The following RSPH14 variants were observed in gnomAD, a reference collection of about 807,000 sequenced individuals.
RSPH14 encodes the protein radial spoke head 14 homolog, also known as rhabdoid tumor deletion region gene 1.
Under a neutral mutation model 26.7 loss-of-function variants are expected in RSPH14, and 20 were observed. The observed-to-expected ratio is 0.75, with a 90% CI of 0.53 to 1.09. The LOEUF is 1.09. Ranked by LOEUF, RSPH14 falls within the 50% of genes least tolerant of loss-of-function variation. RSPH14 has a pLI of 0.00. For synonymous variants in RSPH14, 177 were observed against 189.3 expected, an observed-to-expected ratio of 0.93 and a Z score of 0.53; for missense variants, 449 against 457.2, an observed-to-expected ratio of 0.98 and a Z score of 0.16.
upstream of RSPH14, among the ~76,000 whole-genome samples, chr22:23,148,416 G>A (rs946581269): frequency 2.0e-5 from 3 of 152,266 alleles, no homozygotes; most frequent in South Asian, 6.2e-4. Flanking sequence ...CAGAGCAGAC[G>A]GCGAGGATCA....
intron 4 of RSPH14, among the ~76,000 whole-genome samples, chr22:23,077,715 C>T (rs531192467): frequency 2.6e-5 from 4 of 152,140 alleles, no homozygotes; most frequent in Non-Finnish European, 5.9e-5. Context: ...AGCAGCTAAT[C>T]AGGCTTCCCC....
the RSPH14 span, among the ~76,000 whole-genome samples, chr22:23,171,087 C>G: frequency 4.6e-5 from 7 of 152,126 alleles, no homozygotes; most frequent in Middle Eastern, 3.2e-3. Context: ...CCTGCCTCAG[C>G]CTCCTGAGTA....
the RSPH14 span, chr22:23,161,474 C>A: frequency 6.3e-7 from 1 of 1,582,780 alleles, no homozygotes. Flanking sequence ...CTGGTTGATG[C>A]TAAATTACTT....
intron 4 of RSPH14, among the ~76,000 whole-genome samples, chr22:23,091,639 C>T (rs1358624546): frequency 6.6e-6 from 1 of 152,108 alleles, no homozygotes; most frequent in Admixed American, 6.5e-5. Flanking sequence ...GACCTGCATA[C>T]ACACTGGCAC....
rs183800419 is a variant in RSPH14 at position 23,086,529 on chromosome 22, G to A, written c.422-22396C>T. Among the ~76,000 whole-genome samples the A allele has an allele frequency of 2.1e-3, 314 of 152,308 alleles. 1 individual carries two copies. Among genetic ancestry groups the A allele is most frequent in the African/African-American group, 5.6e-3 (231 of 41,562 alleles). On this transcript the variant is annotated intron_variant, in intron 4 of 6. Coordinates refer to ENST00000216036, the MANE Select transcript of RSPH14 (RefSeq NM_014433.3). ...CTCCTCCCAGTGGCCTCAGCCACCC[G>A]AGCAGGCACACTATAGTTGAGGAAA...
At chr22:23,156,248 G>A in the RSPH14 span, 1 of 508,002 alleles carries the variant, frequency 2.0e-6, no homozygotes, top group South Asian at 2.2e-5. Flanking sequence ...GGACCCTGTG[G>A]TAGTGGGTGC....
chr22:23,149,472 G>A (rs1462738632), upstream of RSPH14, among the ~76,000 whole-genome samples: 2 of 152,140 alleles, frequency 1.3e-5, no homozygotes, highest in African/African-American at 2.4e-5. Context: ...ACAGCAGAAA[G>A]CGCCTCCTAG....
the RSPH14 span, among the ~76,000 whole-genome samples, chr22:23,179,450 G>C: frequency 3.3e-5 from 5 of 152,286 alleles, no homozygotes; most frequent in Admixed American, 2.6e-4. Context: ...CAAAGGTTTT[G>C]TTTCACTCCC....
At chr22:23,114,703 T>C (rs1041528511) in intron 4 of RSPH14, among the ~76,000 whole-genome samples, 39 of 152,270 alleles carry the variant, frequency 2.6e-4, no homozygotes, top group African/African-American at 9.1e-4. Context: ...TCTGTGTGTG[T>C]GTGGTTATTT....
chr22:23,153,223 C>A, the RSPH14 span: 1 of 984,500 alleles, frequency 1.0e-6, no homozygotes, highest in South Asian at 1.3e-5. Flanking sequence ...GTGTCCATGT[C>A]AAGGAGGACT....
rs1601734823 is a variant in RSPH14, at chr22:23,069,291, A to G, written c.422-5158T>C. ...ACACCTTACAAAGGTGTGAGGTGAT[A>G]AGGAACGCGTTAGCTGGGAAGGCAT... On this transcript the variant is annotated intron_variant, in intron 4 of 6. Transcript: ENST00000216036. Among the ~76,000 whole-genome samples, 4 of 152,198 alleles carry G rather than the reference A, an allele frequency of 2.6e-5. No individual in the cohort carries two copies. In the East Asian group the frequency reaches 7.7e-4, roughly 29 times the overall value.
intron 4 of RSPH14, among the ~76,000 whole-genome samples, chr22:23,117,903 G>A (rs1428149465): frequency 2.0e-5 from 3 of 152,162 alleles, no homozygotes; most frequent in Non-Finnish European, 2.9e-5. Flanking sequence ...CTAACCAGGC[G>A]CAGGCTCCTC....
At chr22:23,140,790 ACT>A (rs1468099894) in intron 1 of RSPH14, among the ~76,000 whole-genome samples, 3 of 152,146 alleles carry the variant, frequency 2.0e-5, no homozygotes, top group African/African-American at 4.8e-5. Context: ...CAAGTTGGTC[ACT>A]CTGTTTAGTG....
chr22:23,078,468 C>T (rs1264140683), intron 4 of RSPH14, among the ~76,000 whole-genome samples: 1 of 150,370 alleles, frequency 6.7e-6, no homozygotes. Context: ...CAAGGAGTCT[C>T]CTGGCCACAC....
intron 4 of RSPH14, among the ~76,000 whole-genome samples, chr22:23,074,190 A>T (rs1432712800): frequency 6.6e-6 from 1 of 151,786 alleles, no homozygotes; most frequent in African/African-American, 2.4e-5. Flanking sequence ...TCCCAGGAGG[A>T]GCTAATCTAC....
Position 23,064,150 on chromosome 22 carries a change from G to A in RSPH14, c.422-17C>T, listed in dbSNP as rs773998562. 1 of 1,612,172 alleles carries A rather than the reference G, an allele frequency of 6.2e-7. No homozygotes were observed. The highest frequency in any genetic ancestry group is 1.1e-5 in the South Asian group (1 of 90,982). On this transcript the variant is annotated splice_polypyrimidine_tract_variant and intron_variant, in intron 4 of 6. Coordinates refer to ENST00000216036, the MANE Select transcript of RSPH14 (RefSeq NM_014433.3). The stretch of plus-strand genomic sequence containing the variant: ...CTTGGGCCCCTACAAGGCAGGAAAG[G>A]GCACTGAGGGCGGGCTGGCCACACA...
chr22:23,076,962 T>G (rs1032566373), intron 4 of RSPH14, among the ~76,000 whole-genome samples: 1 of 152,206 alleles, frequency 6.6e-6, no homozygotes, highest in Non-Finnish European at 1.5e-5. Context: ...AGTTGGAAGC[T>G]CTGGGCTGGG....
intron 4 of RSPH14, among the ~76,000 whole-genome samples, chr22:23,068,708 T>C (rs2068267768): frequency 6.6e-6 from 1 of 152,236 alleles, no homozygotes; most frequent in African/African-American, 2.4e-5. Context: ...CCTCTGGCTA[T>C]CCCAAGACAT....
intron 4 of RSPH14, among the ~76,000 whole-genome samples, chr22:23,128,525 G>A (rs1446500769): frequency 3.9e-5 from 6 of 152,238 alleles, no homozygotes; most frequent in African/African-American, 1.4e-4. Context: ...AGAGGAATGC[G>A]TGTGGGTGAG....
Sources: gnomAD v4.1 joint callset for allele counts (sites outside exome capture counted in the v4.1 genomes callset) on GRCh38, gnomAD v4.1.1 for gene constraint, MANE v1.5 for transcripts, NCBI Gene and HGNC (gene_info 2026-07-23, HGNC 2026-07-21) for gene names.